The following PRIM2 variants were observed in gnomAD, a reference collection of about 807,000 sequenced individuals.
PRIM2 encodes DNA primase subunit 2.
Under a neutral mutation model 67.3 loss-of-function variants are expected in PRIM2, and 39 were observed. That is an observed-to-expected ratio of 0.58 (90% CI 0.45 to 0.76). The LOEUF (loss-of-function observed/expected upper bound fraction) is 0.76, where lower values mean the gene tolerates loss of function less well. Ranked by LOEUF, PRIM2 falls within the 30% of genes least tolerant of loss-of-function variation. The probability of loss-of-function intolerance (pLI) is 0.00; values close to 1 mark genes in which losing one functional copy is unlikely to be tolerated. For missense variants in PRIM2, 398 were observed against 598.7 expected, an observed-to-expected ratio of 0.66 and a Z score of 3.50; for synonymous variants, 143 against 198.7, an observed-to-expected ratio of 0.72 and a Z score of 2.36.
chr6:57,315,392 G>A (rs1185981219), upstream of PRIM2, among the ~76,000 whole-genome samples: 1 of 152,046 alleles, frequency 6.6e-6, no homozygotes, highest in African/African-American at 2.4e-5. Context: ...TCTTCCAAAA[G>A]ATAAAGAACT....
chr6:57,563,966 G>A (rs1174962653), intron 10 of PRIM2, among the ~76,000 whole-genome samples: 1 of 152,154 alleles, frequency 6.6e-6, no homozygotes, highest in Non-Finnish European at 1.5e-5. Context: ...GCCGGCCTTA[G>A]CTTTTTAAAT....
chr6:57,389,283 A>G (rs1770251517), intron 7 of PRIM2, among the ~76,000 whole-genome samples: 1 of 151,930 alleles, frequency 6.6e-6, no homozygotes, highest in Admixed American at 6.6e-5. Flanking sequence ...GTTTTTATTA[A>G]TAAAAGTTTA....
intron 10 of PRIM2, among the ~76,000 whole-genome samples, chr6:57,567,438 A>G (rs1241476066): frequency 7.2e-5 from 11 of 152,142 alleles, no homozygotes; most frequent in African/African-American, 2.7e-4. Context: ...GCATGTTTAA[A>G]GTAAGCTGTG....
intron 8 of PRIM2, among the ~76,000 whole-genome samples, chr6:57,520,851 G>A (rs1554348834): frequency 6.6e-6 from 1 of 152,102 alleles, no homozygotes; most frequent in Non-Finnish European, 1.5e-5. Flanking sequence ...ATAAAATAAA[G>A]TAGCAGTTGT....
At chr6:57,237,450 T>C in the PRIM2 span, among the ~76,000 whole-genome samples, 1 of 152,216 alleles carries the variant, frequency 6.6e-6, no homozygotes, top group Non-Finnish European at 1.5e-5. Flanking sequence ...TTGGCTTTTG[T>C]TGCCATTGCT....
chr6:57,335,877 G>T (rs1310673287), intron 5 of PRIM2, among the ~76,000 whole-genome samples: 3 of 152,222 alleles, frequency 2.0e-5, no homozygotes, highest in Non-Finnish European at 4.4e-5. Context: ...TTGACGAGCT[G>T]AGAGAAGAAG....
chr6:57,360,689 G>GTAAT (rs1170216142), intron 5 of PRIM2, among the ~76,000 whole-genome samples: 2 of 152,140 alleles, frequency 1.3e-5, no homozygotes, highest in African/African-American at 4.8e-5. Flanking sequence ...CTTTTGGATT[G>GTAAT]TAATGATTTT....
At chr6:57,266,400 GT>G in the PRIM2 span, among the ~76,000 whole-genome samples, 1 of 152,152 alleles carries the variant, frequency 6.6e-6, no homozygotes, top group African/African-American at 2.4e-5. Context: ...TTACTGAAAT[GT>G]TAATGTCAAC....
chr6:57,430,447 G>GTTTTT (rs71687266), intron 7 of PRIM2, among the ~76,000 whole-genome samples: 22 of 78,154 alleles, frequency 2.8e-4, no homozygotes, highest in Middle Eastern at 0.014. Context: ...TTCTTTCTTT[G>GTTTTT]TTTTTTTTTT....
intron 12 of PRIM2, among the ~76,000 whole-genome samples, chr6:57,620,732 A>G (rs1776837890): frequency 6.6e-6 from 1 of 152,274 alleles, no homozygotes; most frequent in African/African-American, 2.4e-5. Context: ...TCACATTTCA[A>G]TACTAACATT....
upstream of PRIM2, among the ~76,000 whole-genome samples, chr6:57,316,621 A>T (rs1178019405): frequency 3.9e-5 from 6 of 152,310 alleles, no homozygotes; most frequent in East Asian, 1.2e-3. Context: ...CATTCATTTG[A>T]TCTCCTAAGG....
chr6:57,604,915 C>T (rs1433304947), intron 11 of PRIM2, among the ~76,000 whole-genome samples: 1 of 152,200 alleles, frequency 6.6e-6, no homozygotes, highest in Non-Finnish European at 1.5e-5. Context: ...TGATCTTGAT[C>T]TCCTTACCTC....
intron 13 of PRIM2, among the ~76,000 whole-genome samples, chr6:57,634,241 A>G (rs1324816625): frequency 6.6e-6 from 1 of 152,236 alleles, no homozygotes; most frequent in Non-Finnish European, 1.5e-5. Context: ...CATGGTAAAC[A>G]GGTAGGGACT....
At chr6:57,507,480 T>G (rs1245353170) in intron 8 of PRIM2, 26 bp downstream of exon 8, 1 of 1,482,234 alleles carries the variant, frequency 6.7e-7, no homozygotes, top group Non-Finnish European at 9.1e-7. Context: ...AGCCTTGTTA[T>G]GCTTATAAAT....
intron 5 of PRIM2, among the ~76,000 whole-genome samples, chr6:57,365,838 G>A (rs1224157090): frequency 3.3e-5 from 5 of 150,864 alleles, no homozygotes; most frequent in African/African-American, 9.7e-5. Context: ...GCGTTAGCAC[G>A]CCTGTAATCC....
At chr6:57,301,567 C>G in the PRIM2 span, among the ~76,000 whole-genome samples, 1 of 151,920 alleles carries the variant, frequency 6.6e-6, no homozygotes, top group Non-Finnish European at 1.5e-5. Flanking sequence ...TTTGGGAGGC[C>G]AAGGCAGGCG....
chr6:57,622,521 A>G (rs1299267130), intron 12 of PRIM2, among the ~76,000 whole-genome samples: 2 of 152,130 alleles, frequency 1.3e-5, no homozygotes, highest in Non-Finnish European at 2.9e-5. Flanking sequence ...AAGGCTATTC[A>G]TTTTTCAAGA....
chr6:57,368,044 A>C (rs556215198), intron 5 of PRIM2, among the ~76,000 whole-genome samples: 1 of 152,340 alleles, frequency 6.6e-6, no homozygotes, highest in South Asian at 2.1e-4. Flanking sequence ...TTATAATCAC[A>C]GTATTTGCTA....
At chr6:57,391,239 ATCT>A (rs1770335147) in intron 7 of PRIM2, among the ~76,000 whole-genome samples, 4 of 145,290 alleles carry the variant, frequency 2.8e-5, no homozygotes, top group African/African-American at 1.0e-4. Context: ...GGGGTTGTTT[ATCT>A]CTTGTATATT....
Sources: allele counts gnomAD v4.1 joint callset (sites outside exome capture counted in the v4.1 genomes callset), GRCh38; gene constraint gnomAD v4.1.1; transcripts MANE v1.5; gene names NCBI Gene and HGNC (gene_info 2026-07-23, HGNC 2026-07-21).